Variants in PCDHGB3 observed in about 807,000 individuals in gnomAD.
The protein encoded by PCDHGB3 is protocadherin gamma-B3.
PCDHGB3 carries 40 observed loss-of-function variants against 59.2 expected under a neutral mutation model. The ratio of observed to expected loss-of-function variants is 0.68; its 90% confidence interval spans 0.52 to 0.88. PCDHGB3 has a LOEUF of 0.88. Among genes scored for constraint, PCDHGB3 ranks in the 40% least tolerant of loss-of-function variants. The pLI is 0.00. For synonymous variants in PCDHGB3, 581 were observed against 503.6 expected (o/e 1.15, Z -2.06); for missense variants, 1,309 against 1,187.9 (o/e 1.10, Z -1.50).
chr5:141,490,589 A>G lies in PCDHGB3; in HGVS notation c.2416-4218A>G, dbSNP rs761250654. On this transcript the variant is annotated intron_variant, in intron 1 of 3. Transcript: ENST00000576222. The surrounding 1 kb of genome is among the most constrained non-coding windows in gnomAD (Gnocchi z 5.4). ...CTCAACATTTCAGATGTCAATGACA[A>G]TGCACCCCGCTTCAACCAGCAGCTT... The G allele has an allele frequency of 5.7e-5, 92 of 1,614,042 alleles. No individual in the cohort carries two copies. Among genetic ancestry groups the G allele is most frequent in the Non-Finnish European group, 7.6e-5 (90 of 1,180,036 alleles).
rs1185679701 is a variant in PCDHGB3, at chr5:141,511,384, G to A, written c.*211G>A. On this transcript the variant is annotated 3_prime_UTR_variant, in exon 4 of 4. Coordinates refer to ENST00000576222, the MANE Select transcript of PCDHGB3 (RefSeq NM_018924.5). ...TTGAATATGCAAAAGCAGTTCCGCT[G>A]GGAACCCCCATCCAATCAACTGCTG... is the stretch of plus-strand genomic sequence containing the variant. 3.5e-6 allele frequency: 4 copies of A among 1,154,490 alleles called. No homozygotes were observed. Among genetic ancestry groups the A allele is most frequent in the Admixed American group, 2.9e-5 (1 of 34,748 alleles). 71.5% of individuals were successfully genotyped at this position (1,154,490 alleles called of 1,614,324 possible). A position where few individuals can be genotyped will look rare whatever the true frequency, so the allele number is the denominator to read the frequency against.
At position 141,433,052 on chromosome 5, in the gene PCDHGB3, A is replaced by G. The variant is rs757503771; in HGVS notation, c.2415+60243A>G. The G allele has an allele frequency of 3.1e-6, 5 of 1,614,178 alleles. No individual in the cohort carries two copies. In the Admixed American group the frequency reaches 8.3e-5, roughly 27 times the overall value. ...GGTTTCCCTCACCACGGACTCGCGG[A>G]AGAGTCACCTGATCTTCCCCCAGCC... On this transcript the variant is annotated intron_variant, in intron 1 of 3. Transcript: ENST00000576222.
At position 141,372,429 on chromosome 5, in the gene PCDHGB3, C is replaced by T. The variant is rs754379317; in HGVS notation, c.2035C>T (p.Pro679Ser). The T allele has an allele frequency of 2.5e-6, 4 of 1,614,042 alleles. No individual in the cohort carries two copies. In the Admixed American group the frequency reaches 6.7e-5, roughly 27 times the overall value. ...QEIQPDLSDR[P>S]TPSDPQAELQ... ...GATACAACCTGACCTTAGCGACCGC[C>T]CCACTCCCTCTGACCCTCAGGCGGA... Residue 679 changes from proline (P) to serine (S), a missense_variant, in exon 1 of 4, where the codon CCC becomes TCC. Pro to Ser is a moderately conservative substitution (Grantham distance 74, BLOSUM62 -1). Transcript: ENST00000576222.
At chr5:141,399,335 A>G in intron 1 of PCDHGB3, 3 of 1,613,978 alleles carry the variant, frequency 1.9e-6, no homozygotes, top group Non-Finnish European at 2.5e-6. Flanking sequence ...TTGGTAACAG[A>G]TGGAACCCTA....
chr5:141,410,844 TTTGTC>T, intron 1 of PCDHGB3: 1 of 422,400 alleles, frequency 2.4e-6, no homozygotes, highest in Non-Finnish European at 3.9e-6. Context: ...ATATTTTGTC[TTTGTC>T]TTTTTTTTTT....
In PCDHGB3 at chr5:141,410,593, G is replaced by C. The variant is rs921521742; in HGVS notation, c.2415+37784G>C. ...TTCCACCTCATGGTGGGGAGGATTT[G>C]ACTTCACATCCTGAGACTCTGACTT... On this transcript the variant is annotated intron_variant, in intron 1 of 3. Coordinates refer to ENST00000576222, the MANE Select transcript of PCDHGB3 (RefSeq NM_018924.5). The C allele has an allele frequency of 2.5e-6, 4 of 1,608,934 alleles. No individual in the cohort carries two copies. In the African/African-American group the frequency reaches 5.3e-5, roughly 21 times the overall value.
chr5:141,463,018 T>C (rs1318740358), intron 1 of PCDHGB3, among the ~76,000 whole-genome samples: 1 of 152,212 alleles, frequency 6.6e-6, no homozygotes, highest in Admixed American at 6.5e-5. Flanking sequence ...AATTCTGACT[T>C]TTTTGATTAA....
intron 1 of PCDHGB3, chr5:141,385,756 T>A: frequency 5.6e-6 from 1 of 179,052 alleles, no homozygotes; most frequent in Non-Finnish European, 1.1e-5. Flanking sequence ...GATTTTTTTC[T>A]GTGGCTGATT....
chr5:141,421,069 A>T, intron 1 of PCDHGB3: 1 of 598,532 alleles, frequency 1.7e-6, no homozygotes, highest in Non-Finnish European at 2.8e-6. Context: ...AAGCGGAATG[A>T]GATGGATACT....
chr5:141,490,445 A>G lies in PCDHGB3; in HGVS notation c.2416-4362A>G, dbSNP rs2099700298. 6.2e-7 allele frequency: 1 copy of G among 1,614,022 alleles called. No individual in the cohort carries two copies. The highest frequency in any genetic ancestry group is 8.5e-7 in the Non-Finnish European group (1 of 1,180,030). ...CCATTTCAGATTAAGCCTTCTGAGA[A>G]CCACTACTCGCTGCTAACCAGCCAG... On this transcript the variant is annotated intron_variant, in intron 1 of 3. Coordinates refer to ENST00000576222, the MANE Select transcript of PCDHGB3 (RefSeq NM_018924.5). The surrounding 1 kb of genome is among the most constrained non-coding windows in gnomAD (Gnocchi z 5.4).
intron 2 of PCDHGB3, among the ~76,000 whole-genome samples, chr5:141,496,410 A>G (rs77823969): frequency 0.019 from 2,839 of 152,308 alleles, 40 homozygotes; most frequent in Middle Eastern, 0.082. Context: ...ATGGTTGAGT[A>G]CTTGCTGTCC....
chr5:141,438,392 A>C (rs2097958012), intron 1 of PCDHGB3, among the ~76,000 whole-genome samples: 1 of 151,714 alleles, frequency 6.6e-6, no homozygotes, highest in African/African-American at 2.4e-5. Context: ...TTAGTTCATC[A>C]TTAACTCTCT....
chr5:141,373,280 A>C (rs1187870137), intron 1 of PCDHGB3, among the ~76,000 whole-genome samples: 2 of 152,242 alleles, frequency 1.3e-5, no homozygotes, highest in African/African-American at 2.4e-5. Flanking sequence ...GATGTTGCCT[A>C]TGTCAGGGCA....
At chr5:141,423,126 G>A (rs1397550571) in intron 1 of PCDHGB3, 1 of 1,613,622 alleles carries the variant, frequency 6.2e-7, no homozygotes, top group Non-Finnish European at 8.5e-7. Context: ...CGCGGGCACT[G>A]CTGGACAGAG....
intron 1 of PCDHGB3, among the ~76,000 whole-genome samples, chr5:141,474,089 CAAACAACAACAA>C (rs985204397): frequency 3.3e-5 from 5 of 152,116 alleles, no homozygotes; most frequent in Admixed American, 2.0e-4. Flanking sequence ...AACCAAAAAA[CAAACAACAACAA>C]AAACAACAAC....
At chr5:141,443,392 T>A (rs151260637) in intron 1 of PCDHGB3, among the ~76,000 whole-genome samples, 1 of 151,662 alleles carries the variant, frequency 6.6e-6, no homozygotes, top group Non-Finnish European at 1.5e-5. Context: ...GGCTGAGGTG[T>A]GAGGATCACC....
chr5:141,389,712 A>G, intron 1 of PCDHGB3: 1 of 1,612,620 alleles, frequency 6.2e-7, no homozygotes, highest in East Asian at 2.2e-5. Context: ...GCTGCAGGCT[A>G]GCGAGCCCGG....
At chr5:141,495,153 T>G (rs2154591630) in intron 2 of PCDHGB3, among the ~76,000 whole-genome samples, 1 of 152,290 alleles carries the variant, frequency 6.6e-6, no homozygotes, top group East Asian at 1.9e-4. Flanking sequence ...AGGATGGTCT[T>G]AAGCTGGTCT....
In PCDHGB3 at chr5:141,381,826, C is replaced by CTTTTTTTT. The variant is rs770630741; in HGVS notation, c.2415+9032_2415+9039dup. Among the ~76,000 whole-genome samples, 48 of 74,286 alleles carry CTTTTTTTT rather than the reference C, an allele frequency of 6.5e-4. 1 individual carries two copies. Among genetic ancestry groups the CTTTTTTTT allele is most frequent in the African/African-American group, 1.0e-3 (17 of 16,198 alleles). 48.7% of individuals were successfully genotyped at this position (74,286 alleles called of 152,430 possible). On this transcript the variant is annotated intron_variant, in intron 1 of 3. Coordinates refer to ENST00000576222, the MANE Select transcript of PCDHGB3 (RefSeq NM_018924.5). Reference sequence around the variant, plus strand: ...TTTCTTTCTTTCTTTCTTTCTTCTTCTTTTTTTTTTTTTTTTTTTTTTGGC... The same window carrying CTTTTTTTT: ...TTTCTTTCTTTCTTTCTTTCTTCTTCTTTTTTTTTTTTTTTTTTTTTTTTTTTTTTGGC...
Sources: gnomAD v4.1 joint callset for allele counts (sites outside exome capture counted in the v4.1 genomes callset) on GRCh38, gnomAD v4.1.1 for gene constraint, Gnocchi (gnomAD v3.1) non-coding constraint, MANE v1.5 for transcripts, NCBI Gene and HGNC (gene_info 2026-07-23, HGNC 2026-07-21) for gene names.